SANBR: variants seen among roughly 807,000 people sequenced by gnomAD.
SANBR encodes SANT and BTB domain regulator of class switch recombination.
A neutral mutation model predicts 101.8 loss-of-function variants in SANBR; 77 were observed. The ratio of observed to expected loss-of-function variants is 0.76; its 90% CI spans 0.63 to 0.91. SANBR has a LOEUF of 0.91. Among genes scored for constraint, SANBR ranks in the 40% least tolerant of loss-of-function variants. SANBR has a pLI of 0.00. For synonymous variants in SANBR, 279 were observed against 274.7 expected (o/e 1.02, Z -0.15); for missense variants, 875 against 853.0 (o/e 1.03, Z -0.32).
chr2:61,122,765 C>T lies in SANBR; in HGVS notation c.*603C>T, dbSNP rs577739832. ...TTTCAGCATTATATCGTGGAAAGTA[C>T]AATGTTAATCCAACTTTTTTTTCTT... On this transcript the variant is annotated 3_prime_UTR_variant, in exon 22 of 22. Transcript: ENST00000402291. 2 of 985,156 alleles carry T rather than the reference C, an allele frequency of 2.0e-6. No homozygotes were observed. Among genetic ancestry groups the T allele is most frequent in the East Asian group, 1.1e-4 (1 of 8,954 alleles). The allele number at this position is 985,156 out of a possible 1,614,324, so 61.0% of individuals were successfully genotyped here. A position where few individuals can be genotyped will look rare whatever the true frequency, so the allele number is the denominator to read the frequency against.
intron 20 of SANBR, among the ~76,000 whole-genome samples, chr2:61,132,304 G>T (rs1167750337): frequency 1.3e-5 from 2 of 152,150 alleles, no homozygotes; most frequent in Non-Finnish European, 2.9e-5. Flanking sequence ...TATAAAGAAT[G>T]CCTACAACTC....
At chr2:61,083,421 G>C (rs1354460017) in intron 8 of SANBR, 107 bp downstream of exon 8, 4 of 802,346 alleles carry the variant, frequency 5.0e-6, no homozygotes, top group African/African-American at 1.7e-5. Context: ...CTTTGAGAAA[G>C]GTTCTCACTC....
intron 5 of SANBR, among the ~76,000 whole-genome samples, chr2:61,076,032 C>T (rs1044012096): frequency 1.1e-4 from 16 of 151,500 alleles, no homozygotes; most frequent in Non-Finnish European, 1.8e-4. Flanking sequence ...CTTGCTCTGT[C>T]GCCCAGTCTG....
At chr2:61,094,082 T>A (rs570979449) in intron 11 of SANBR, 1 of 983,920 alleles carries the variant, frequency 1.0e-6, no homozygotes, top group African/African-American at 1.7e-5. Context: ...ATTGGGATTT[T>A]AAACTGTTTA....
intron 5 of SANBR, among the ~76,000 whole-genome samples, chr2:61,075,585 C>A (rs1223804009): frequency 6.6e-6 from 1 of 152,106 alleles, no homozygotes; most frequent in Non-Finnish European, 1.5e-5. Context: ...AAAGTAAATT[C>A]AAGGAGATTA....
At chr2:61,106,775 A>G (rs972157341) in intron 14 of SANBR, 113 bp downstream of exon 14, 1 of 629,814 alleles carries the variant, frequency 1.6e-6, no homozygotes. Context: ...CCTAATCATA[A>G]GAAGGTATTA....
chr2:61,102,758 G>A (rs556904367), intron 12 of SANBR, among the ~76,000 whole-genome samples: 137 of 151,896 alleles, frequency 9.0e-4, no homozygotes, highest in Non-Finnish European at 1.7e-3. Flanking sequence ...GGCTGGTCTC[G>A]AACTCTTAGC....
In SANBR at chr2:61,122,600, G is replaced by A; in HGVS notation, c.*438G>A. 1.0e-6 allele frequency: 1 copy of A among 987,624 alleles called. No individual in the cohort carries two copies. Among genetic ancestry groups the A allele is most frequent in the Non-Finnish European group, 1.2e-6 (1 of 831,384 alleles). The allele number at this position is 987,624 out of a possible 1,614,324, so 61.2% of individuals were successfully genotyped here. On this transcript the variant is annotated 3_prime_UTR_variant, in exon 22 of 22. Coordinates refer to ENST00000402291, the MANE Select transcript of SANBR (RefSeq NM_001129993.3). ...AAATCTTGAGATAGCATTGAGAACTGCAGGTTGTGTGACGAAATTCCCAAT... is the reference window on the plus strand; with the variant it reads ...AAATCTTGAGATAGCATTGAGAACTACAGGTTGTGTGACGAAATTCCCAAT...
intron 8 of SANBR, among the ~76,000 whole-genome samples, chr2:61,087,409 T>G (rs1468003092): frequency 6.6e-6 from 1 of 151,554 alleles, no homozygotes; most frequent in Non-Finnish European, 1.5e-5. Context: ...TTTTTTTTTT[T>G]TAATTAACTG....
At chr2:61,085,034 C>G (rs183763379) in intron 8 of SANBR, among the ~76,000 whole-genome samples, 1 of 152,188 alleles carries the variant, frequency 6.6e-6, no homozygotes, top group Admixed American at 6.5e-5. Context: ...TAAGGGAAAT[C>G]AAGAGATAGC....
rs940487025 is a variant in SANBR, at chr2:61,076,970, A to T, written c.482A>T (p.Asp161Val). The change falls in exon 6 of 22, where the codon GAT becomes GTT. Residue 161 changes from aspartate to valine, a missense_variant. Physicochemically the swap from Asp to Val is radical, Grantham distance 152. Coordinates refer to ENST00000402291, the MANE Select transcript of SANBR (RefSeq NM_001129993.3). The part of the protein sequence containing the change: ...VCDEAKNLKE[D>V]FTCPRDLLIS... ...GATGAAGCAAAAAACTTGAAAGAAGATTTTACTTGCCCGCGAGATCTTTTG... is the reference window on the plus strand; with the variant it reads ...GATGAAGCAAAAAACTTGAAAGAAGTTTTTACTTGCCCGCGAGATCTTTTG... 9 of 1,613,986 alleles carry T rather than the reference A, an allele frequency of 5.6e-6. No individual in the cohort carries two copies. Among genetic ancestry groups the T allele is most frequent in the Non-Finnish European group, 7.6e-6 (9 of 1,180,016 alleles).
downstream of SANBR, among the ~76,000 whole-genome samples, chr2:61,128,480 C>T (rs1239627731): frequency 6.6e-6 from 1 of 151,842 alleles, no homozygotes; most frequent in Admixed American, 6.6e-5. Flanking sequence ...CATAGGGAGA[C>T]CTCATCTCTA....
At chr2:61,100,335 C>G (rs2104922278) in intron 12 of SANBR, among the ~76,000 whole-genome samples, 1 of 152,256 alleles carries the variant, frequency 6.6e-6, no homozygotes, top group East Asian at 1.9e-4. Flanking sequence ...GAACTCCTGA[C>G]CTCAAATGAC....
At chr2:61,066,739 A>C (rs993523582) in intron 1 of SANBR, among the ~76,000 whole-genome samples, 1 of 152,200 alleles carries the variant, frequency 6.6e-6, no homozygotes, top group Non-Finnish European at 1.5e-5. Flanking sequence ...AATAAGAAAA[A>C]AATATATCAG....
chr2:61,095,621 T>C (rs1182254370), intron 11 of SANBR, among the ~76,000 whole-genome samples: 3 of 152,220 alleles, frequency 2.0e-5, no homozygotes, highest in Non-Finnish European at 4.4e-5. Flanking sequence ...TAACTTGTTT[T>C]TGTTTTTAAC....
At chr2:61,083,868 C>CAA (rs773025883) in intron 8 of SANBR, among the ~76,000 whole-genome samples, 11 of 115,186 alleles carry the variant, frequency 9.5e-5, no homozygotes, top group Admixed American at 1.8e-4. Context: ...GACTCCGTCT[C>CAA]AAAAAAAAAA....
chr2:61,121,061 C>A (rs1047209349), intron 20 of SANBR, 124 bp from the exon 21 acceptor site: 21 of 716,496 alleles, frequency 2.9e-5, no homozygotes, highest in Non-Finnish European at 2.2e-6. Context: ...AATTAAACCT[C>A]AAAAAGACTG....
Position 61,088,220 on chromosome 2 carries a change from C to T in SANBR, c.952C>T (p.Arg318Trp), listed in dbSNP as rs199876206. The T allele has an allele frequency of 9.9e-6, 16 of 1,609,122 alleles. No individual in the cohort carries two copies. The highest frequency in any genetic ancestry group is 1.3e-5 in the African/African-American group (1 of 74,798). The change falls in exon 9 of 22, where the codon CGG (arginine) becomes TGG (tryptophan). Residue 318 changes from arginine to tryptophan, a missense_variant. Arg to Trp is a moderately radical substitution (Grantham distance 101, BLOSUM62 -3). Transcript: ENST00000402291. ...TCCTGAGTACTTGAATCCAGATTCT[C>T]GGAGTAATGCAGCAACATTGTATAG... Reference protein sequence around the residue: ...FDPEYLNPDSRSNAATLYRCC... With the variant: ...FDPEYLNPDSWSNAATLYRCC...
chr2:61,099,241 T>C (rs559225094), intron 12 of SANBR, among the ~76,000 whole-genome samples: 1 of 152,312 alleles, frequency 6.6e-6, no homozygotes, highest in African/African-American at 2.4e-5. Context: ...TTGGAAAATA[T>C]CATTTGCAGT....
Sources: allele counts gnomAD v4.1 joint callset (sites outside exome capture counted in the v4.1 genomes callset), GRCh38; gene constraint gnomAD v4.1.1; transcripts MANE v1.5; gene names NCBI Gene and HGNC (gene_info 2026-07-23, HGNC 2026-07-21).